CARNS1: variants seen among roughly 807,000 people sequenced by gnomAD.
The protein encoded by CARNS1 is ATP-grasp domain containing 1.
Under a neutral mutation model 74.0 loss-of-function variants are expected in CARNS1, and 61 were observed. The ratio of observed to expected loss-of-function variants is 0.82; its 90% CI spans 0.67 to 1.02. The LOEUF (loss-of-function observed/expected upper bound fraction) is 1.02. Among genes scored for constraint, CARNS1 ranks in the 50% least tolerant of loss-of-function variants. CARNS1 has a pLI of 0.00. For synonymous variants in CARNS1, 568 were observed against 605.5 expected, an observed-to-expected ratio of 0.94 and a Z score of 0.91; for missense variants, 1,278 against 1,308.4, an observed-to-expected ratio of 0.98 and a Z score of 0.36.
rs1790748 is a variant in CARNS1, at chr11:67,424,636, T to A, written c.*35T>A. 0.12 allele frequency: 194,759 copies of A among 1,566,506 alleles called. 31,437 individuals carry two copies. The highest frequency in any genetic ancestry group is 0.73 in the African/African-American group (53,960 of 74,230). ...CAGGGGGCAGGGAAGCAGTGCTGGGTGGAGGCACTGTGGTGCCCTCTGCTC... is the reference window on the plus strand; with the variant it reads ...CAGGGGGCAGGGAAGCAGTGCTGGGAGGAGGCACTGTGGTGCCCTCTGCTC... On this transcript the variant is annotated 3_prime_UTR_variant, in exon 10 of 10. Coordinates refer to ENST00000687366, the MANE Select transcript of CARNS1 (RefSeq NM_001166222.2).
At chr11:67,421,418 A>AG (rs1357404931) in intron 9 of CARNS1, among the ~76,000 whole-genome samples, 199 bp downstream of exon 9, 2 of 152,168 alleles carry the variant, frequency 1.3e-5, no homozygotes, top group Non-Finnish European at 2.9e-5. Context: ...GGTGAGGGTG[A>AG]GGGGACTCCG....
chr11:67,422,238 G>T (rs1863729700), intron 9 of CARNS1, among the ~76,000 whole-genome samples: 2 of 140,282 alleles, frequency 1.4e-5, no homozygotes, highest in East Asian at 4.3e-4. Flanking sequence ...GGCTGGAGTG[G>T]AATGGCGCAA....
chr11:67,420,909 A>G (rs1418571780), intron 8 of CARNS1, 30 bp from the exon 9 acceptor site: 42 of 1,356,382 alleles, frequency 3.1e-5, no homozygotes, highest in Non-Finnish European at 3.9e-5. Flanking sequence ...TGGCTGCCGT[A>G]GCTGAGCTCG....
intron 3 of CARNS1, among the ~76,000 whole-genome samples, chr11:67,418,036 C>T (rs1027993711): frequency 9.2e-5 from 14 of 152,194 alleles, no homozygotes; most frequent in Admixed American, 7.2e-4. Context: ...TGCCCCTCCA[C>T]GCCTGTTACA....
At position 67,423,443 on chromosome 11, in the gene CARNS1, C is replaced by G. The variant is rs1177039943; in HGVS notation, c.1695C>G (p.Asp565Glu). 6.2e-7 allele frequency: 1 copy of G among 1,613,994 alleles called. No individual in the cohort carries two copies. The highest frequency in any genetic ancestry group is 1.1e-5 in the South Asian group (1 of 91,088). The change falls in exon 10 of 10, where the codon GAC becomes GAG. Residue 565 changes from aspartate to glutamate, a missense_variant. This residue lies in a region of CARNS1 where 1,164 missense variants were observed against 1,156.5 expected (regional missense o/e 1.01). Coordinates refer to ENST00000687366, the MANE Select transcript of CARNS1 (RefSeq NM_001166222.2). This position sits in a 1 kb window ranked among gnomAD's most constrained non-coding sequence, Gnocchi z 5.1. ...TGGTACAGACCTTCATCCACTTTGA[C>G]ATGACAGAGCACCGGAGGGATGAGG... ...SQLVQTFIHF[D>E]MTEHRRDEEN...
Position 67,423,579 on chromosome 11 carries a change from C to T in CARNS1, c.1831C>T (p.Leu611=). ...LVLTALLCQE[L]GLPCSSPAAM... is the part of the protein sequence containing the mutation. ...GCTCACAGCCCTGCTCTGCCAGGAG[C>T]TAGGTCTGCCCTGCAGCTCCCCAGC... The change falls in exon 10 of 10, where the codon CTA becomes TTA. Residue 611 remains leucine (L), a synonymous_variant. Coordinates refer to ENST00000687366, the MANE Select transcript of CARNS1 (RefSeq NM_001166222.2). This position sits in a 1 kb window ranked among gnomAD's most constrained non-coding sequence, Gnocchi z 5.1. 6.2e-7 allele frequency: 1 copy of T among 1,610,700 alleles called. No homozygotes were observed. Among genetic ancestry groups the T allele is most frequent in the South Asian group, 1.1e-5 (1 of 90,478 alleles).
intron 7 of CARNS1, 50 bp from the exon 8 acceptor site, chr11:67,420,559 G>A (rs918164507): frequency 8.7e-7 from 1 of 1,153,450 alleles, no homozygotes; most frequent in Non-Finnish European, 1.1e-6. Context: ...GGGGGTGTGC[G>A]TGGGGGGCAG....
In CARNS1 at chr11:67,423,576, G is replaced by A. The variant is rs1414041415; in HGVS notation, c.1828G>A (p.Glu610Lys). ...GGTGCTCACAGCCCTGCTCTGCCAG[G>A]AGCTAGGTCTGCCCTGCAGCTCCCC... Reference protein sequence around the residue: ...CLVLTALLCQELGLPCSSPAA... With the variant: ...CLVLTALLCQKLGLPCSSPAA... Residue 610 changes from glutamate to lysine, a missense_variant, in exon 10 of 10, where the codon GAG becomes AAG. Coordinates refer to ENST00000687366, the MANE Select transcript of CARNS1 (RefSeq NM_001166222.2). This position sits in a 1 kb window ranked among gnomAD's most constrained non-coding sequence, Gnocchi z 5.1. 6.2e-6 allele frequency: 10 copies of A among 1,610,940 alleles called. No homozygotes were observed. The South Asian group carries it at 8.8e-5, about 14-fold the overall frequency.
intron 2 of CARNS1, chr11:67,416,500 C>G: frequency 7.9e-7 from 1 of 1,267,826 alleles, no homozygotes; most frequent in Non-Finnish European, 1.0e-6. Flanking sequence ...AGGCCCAGTC[C>G]TCTGCCGTCT....
rs1345438291 is a variant in CARNS1, at chr11:67,424,604, C to G, written c.*3C>G. On this transcript the variant is annotated 3_prime_UTR_variant, in exon 10 of 10. Transcript: ENST00000687366. ...ACTTCCTGTCTCACTTCAAATAGCA[C>G]TGGGGTCAGGGGGCAGGGAAGCAGT... 1 of 1,600,876 alleles carries G rather than the reference C, an allele frequency of 6.2e-7. No individual in the cohort carries two copies. The highest frequency in any genetic ancestry group is 2.2e-5 in the East Asian group (1 of 44,668).
Position 67,420,947 on chromosome 11 carries a change from T to C in CARNS1, c.1354T>C (p.Phe452Leu). The C allele has an allele frequency of 7.0e-7, 1 of 1,418,924 alleles. No individual in the cohort carries two copies. Among genetic ancestry groups the C allele is most frequent in the Non-Finnish European group, 9.2e-7 (1 of 1,088,276 alleles). The allele number at this position is 1,418,924 out of a possible 1,614,324, so 87.9% of individuals were successfully genotyped here. A position where few individuals can be genotyped will look rare whatever the true frequency, so the allele number is the denominator to read the frequency against. Residue 452 changes from phenylalanine (F) to leucine (L), a missense_variant, in exon 9 of 10, where the codon TTC (phenylalanine) becomes CTC (leucine). Phe to Leu is a conservative substitution (Grantham distance 22). Transcript: ENST00000687366. The part of the protein sequence containing the change: ...RAHTDFLGVD[F>L]ALTAAGGVLT... ...CCTCCCGCCCGGCGCAGGCGTGGAT[T>C]TCGCGCTGACAGCGGCCGGCGGCGT... is the stretch of plus-strand genomic sequence containing the variant.
In CARNS1 at chr11:67,419,669, C is replaced by T; in HGVS notation, c.1027+8C>T. On this transcript the variant is annotated splice_region_variant and intron_variant, in intron 6 of 9. Transcript: ENST00000687366. The stretch of plus-strand genomic sequence containing the variant: ...CCCAGCTGCCCTGCTCAGGTGAGAG[C>T]CACCTGGGCTGACCAGGGATGGGAG... 1 of 1,590,926 alleles carries T rather than the reference C, an allele frequency of 6.3e-7. No individual in the cohort carries two copies. The highest frequency in any genetic ancestry group is 1.1e-5 in the South Asian group (1 of 87,708).
At position 67,425,477 on chromosome 11, in the gene CARNS1, G is replaced by A; in HGVS notation, c.*876G>A. On this transcript the variant is annotated 3_prime_UTR_variant, in exon 10 of 10. Transcript: ENST00000687366. Reference sequence around the variant, plus strand: ...CCTCTGGCACACCTAACTAGCATTGGCAGAGGAGAGTCTACACTCTCTTCC... The same window carrying A: ...CCTCTGGCACACCTAACTAGCATTGACAGAGGAGAGTCTACACTCTCTTCC... 4.9e-6 allele frequency: 1 copy of A among 203,378 alleles called. No homozygotes were observed. Among genetic ancestry groups the A allele is most frequent in the Non-Finnish European group, 1.0e-5 (1 of 97,508 alleles). The allele number at this position is 203,378 out of a possible 1,614,324, so 12.6% of individuals were successfully genotyped here. A position where few individuals can be genotyped will look rare whatever the true frequency, so the allele number is the denominator to read the frequency against.
intron 5 of CARNS1, 97 bp from the exon 6 acceptor site, chr11:67,419,390 T>C (rs1481184375): frequency 1.3e-6 from 2 of 1,520,022 alleles, no homozygotes; most frequent in East Asian, 4.9e-5. Flanking sequence ...CCCTGCCCTT[T>C]TGCCTCAGTT....
At position 67,420,789 on chromosome 11, in the gene CARNS1, G is replaced by A. The variant is rs1229346479; in HGVS notation, c.1294G>A (p.Gly432Ser). ...GGCCGCCGTGCTGGCTCTGGAGGCC[G>A]GCCTGAGTGCCGAGCAGCGCGGCGG... is the stretch of plus-strand genomic sequence containing the variant. ...ALAAVLALEA[G>S]LSAEQRGGRR... Residue 432 changes from glycine (G) to serine (S), a missense_variant, in exon 8 of 10, where the codon GGC (glycine) becomes AGC (serine). Physicochemically the swap from Gly to Ser is moderately conservative, Grantham distance 56 (BLOSUM62 0). Coordinates refer to ENST00000687366, the MANE Select transcript of CARNS1 (RefSeq NM_001166222.2). 8.1e-7 allele frequency: 1 copy of A among 1,236,136 alleles called. No individual in the cohort carries two copies. Among genetic ancestry groups the A allele is most frequent in the Non-Finnish European group, 1.0e-6 (1 of 992,072 alleles). 76.6% of individuals were successfully genotyped at this position (1,236,136 alleles called of 1,614,324 possible). A position where few individuals can be genotyped will look rare whatever the true frequency, so the allele number is the denominator to read the frequency against.
At chr11:67,418,391 G>C in intron 3 of CARNS1, 40 bp from the exon 4 acceptor site, 2 of 1,392,056 alleles carry the variant, frequency 1.4e-6, no homozygotes, top group Non-Finnish European at 1.9e-6. Flanking sequence ...GAGACAGCAA[G>C]GGCGCCCCTG....
At position 67,419,108 on chromosome 11, in the gene CARNS1, G is replaced by T. The variant is rs534266295; in HGVS notation, c.717G>T (p.Pro239=). ...PATLAFTYKP[P]GLLRGGDASL... ...CCCTGGCTTTCACCTACAAGCCGCC[G>T]GGGCTGCTGCGGGGAGGGGATGCCA... Residue 239 remains proline, a synonymous_variant, in exon 5 of 10, where the codon CCG becomes CCT. Transcript: ENST00000687366. 5.1e-6 allele frequency: 8 copies of T among 1,572,088 alleles called. No homozygotes were observed. In the East Asian group the frequency reaches 1.2e-4, roughly 23 times the overall value.
At chr11:67,421,371 C>G (rs1863700905) in intron 9 of CARNS1, among the ~76,000 whole-genome samples, 152 bp downstream of exon 9, 1 of 152,176 alleles carries the variant, frequency 6.6e-6, no homozygotes, top group African/African-American at 2.4e-5. Flanking sequence ...TGGCCAGGTA[C>G]AAGTAAGCCC....
At position 67,423,980 on chromosome 11, in the gene CARNS1, G is replaced by C; in HGVS notation, c.2232G>C (p.Leu744Phe). ...ACCTGGTGTTGTTTGGTGGGCGGTT[G>C]CTGGCTGCCTTTGTCTCCGACAATG... ...DVDLVLFGGR[L>F]LAAFVSDNGP... Residue 744 changes from leucine to phenylalanine, a missense_variant, in exon 10 of 10, where the codon TTG (leucine) becomes TTC (phenylalanine). This residue lies in a region of CARNS1 where 1,164 missense variants were observed against 1,156.5 expected (regional missense o/e 1.01). Coordinates refer to ENST00000687366, the MANE Select transcript of CARNS1 (RefSeq NM_001166222.2). The surrounding 1 kb of genome is among the most constrained non-coding windows in gnomAD (Gnocchi z 5.1). 1 of 1,613,332 alleles carries C rather than the reference G, an allele frequency of 6.2e-7. No homozygotes were observed. The highest frequency in any genetic ancestry group is 8.5e-7 in the Non-Finnish European group (1 of 1,179,842).
Sources: allele counts gnomAD v4.1 joint callset (sites outside exome capture counted in the v4.1 genomes callset), GRCh38; gene constraint gnomAD v4.1.1; regional missense constraint gnomAD v4.1.1; non-coding constraint Gnocchi (gnomAD v3.1); transcripts MANE v1.5; gene names NCBI Gene and HGNC (gene_info 2026-07-23, HGNC 2026-07-21).